Variants in FOXN4 observed in about 807,000 individuals in gnomAD.
FOXN4 encodes the protein forkhead box protein N4.
In FOXN4, 12 loss-of-function variants were observed where a neutral mutation model predicts 45.0. The observed-to-expected ratio is 0.27, with a 90% confidence interval of 0.17 to 0.43. FOXN4 has a LOEUF of 0.43. FOXN4 is among the 20% of genes least tolerant of loss of function. The pLI is 1.00. For synonymous variants in FOXN4, 297 were observed against 295.0 expected (o/e 1.01, Z -0.07); for missense variants, 560 against 694.9 (o/e 0.81, Z 2.18).
chr12:109,304,295 G>GAAAGAAAGAAAGAAAGAAAGAAA lies in FOXN4; in HGVS notation c.86+3940_86+3941insTTTCTTTCTTTCTTTCTTTCTTT, dbSNP rs1555244325. Among the ~76,000 whole-genome samples, 26 of 40,048 alleles carry GAAAGAAAGAAAGAAAGAAAGAAA rather than the reference G, an allele frequency of 6.5e-4. 1 individual carries two copies. The highest frequency in any genetic ancestry group is 1.9e-3 in the African/African-American group (16 of 8,470). The allele number at this position is 40,048 out of a possible 152,430, so 26.3% of individuals were successfully genotyped here. A position where few individuals can be genotyped will look rare whatever the true frequency, so the allele number is the denominator to read the frequency against. On this transcript the variant is annotated intron_variant, in intron 2 of 9. Transcript: ENST00000299162. The stretch of plus-strand genomic sequence containing the variant: ...AGAAAGAAAGAAAGAAAGAAAGAAA[G>GAAAGAAAGAAAGAAAGAAAGAAA]GAGAAAGAAAGAAGGAAAGAAGGAA...
chr12:109,292,579 T>C (rs914845584), intron 2 of FOXN4, among the ~76,000 whole-genome samples: 58 of 152,310 alleles, frequency 3.8e-4, no homozygotes, highest in African/African-American at 1.4e-3. Context: ...TGTAAAGCAC[T>C]TGGAACAGTG....
intron 2 of FOXN4, among the ~76,000 whole-genome samples, chr12:109,293,057 G>A (rs1214457549): frequency 6.6e-6 from 1 of 151,992 alleles, no homozygotes; most frequent in Non-Finnish European, 1.5e-5. Context: ...CTTTGCATTT[G>A]CCGTTCCCCT....
At chr12:109,306,826 G>C (rs1044469792) in intron 2 of FOXN4, among the ~76,000 whole-genome samples, 2 of 152,234 alleles carry the variant, frequency 1.3e-5, no homozygotes, top group African/African-American at 2.4e-5. Flanking sequence ...ATGGACTTGA[G>C]AGCCTAAGCT....
At chr12:109,285,669 GC>G (rs763585600) in intron 7 of FOXN4, among the ~76,000 whole-genome samples, 158 bp from the exon 8 acceptor site, 1 of 152,130 alleles carries the variant, frequency 6.6e-6, no homozygotes, top group Non-Finnish European at 1.5e-5. Flanking sequence ...AAGAGAGAGT[GC>G]TGGGGACTGA....
intron 8 of FOXN4, among the ~76,000 whole-genome samples, chr12:109,282,043 G>T (rs1189149525): frequency 6.6e-6 from 1 of 152,200 alleles, no homozygotes; most frequent in Non-Finnish European, 1.5e-5. Context: ...CCCATGCTGG[G>T]TGTCAATATT....
rs145330557 is a variant in FOXN4, at chr12:109,305,933, G to T, written c.86+2303C>A. Among the ~76,000 whole-genome samples, 320 of 152,130 alleles carry T rather than the reference G, an allele frequency of 2.1e-3. 1 individual carries two copies. The highest frequency in any genetic ancestry group is 7.0e-3 in the African/African-American group (291 of 41,498). On this transcript the variant is annotated intron_variant, in intron 2 of 9. Coordinates refer to ENST00000299162, the MANE Select transcript of FOXN4 (RefSeq NM_213596.3). ...CAGTGGACTGGCTAGGCATTGCCAGGCCCCCAAGAAGTTCTCTGCTTGCCC... is the reference window on the plus strand; with the variant it reads ...CAGTGGACTGGCTAGGCATTGCCAGTCCCCCAAGAAGTTCTCTGCTTGCCC...
At chr12:109,303,165 A>G (rs2047883070) in intron 2 of FOXN4, among the ~76,000 whole-genome samples, 1 of 152,100 alleles carries the variant, frequency 6.6e-6, no homozygotes, top group Non-Finnish European at 1.5e-5. Flanking sequence ...AAACTGCAAG[A>G]CTGGGAAAGA....
At chr12:109,299,869 G>A (rs866799790) in intron 2 of FOXN4, among the ~76,000 whole-genome samples, 2 of 152,182 alleles carry the variant, frequency 1.3e-5, no homozygotes, top group African/African-American at 2.4e-5. Flanking sequence ...CATCCCAGCG[G>A]GGCAGCCCAG....
chr12:109,298,900 A>C (rs530344170), intron 2 of FOXN4, among the ~76,000 whole-genome samples: 1 of 152,286 alleles, frequency 6.6e-6, no homozygotes, highest in African/African-American at 2.4e-5. Context: ...CCTGGGCCTC[A>C]GTTTCACTGT....
At chr12:109,281,367 T>TC (rs1385422195) in intron 9 of FOXN4, 40 bp downstream of exon 9, 1 of 1,604,840 alleles carries the variant, frequency 6.2e-7, no homozygotes, top group Admixed American at 1.7e-5. Context: ...GCCTCTCCCC[T>TC]CCCCATTCCA....
intron 7 of FOXN4, 76 bp downstream of exon 7, chr12:109,286,572 G>T: frequency 6.8e-7 from 1 of 1,472,642 alleles, no homozygotes; most frequent in Non-Finnish European, 9.2e-7. Context: ...GTTGGCCCAG[G>T]GCCAGCCCTG....
chr12:109,288,041 TGCAGTGCCACTTAC>T lies in FOXN4; in HGVS notation c.357+1_357+14del. 1 of 1,550,144 alleles carries T rather than the reference TGCAGTGCCACTTAC, an allele frequency of 6.5e-7. No individual in the cohort carries two copies. Among genetic ancestry groups the T allele is most frequent in the Non-Finnish European group, 8.7e-7 (1 of 1,146,674 alleles). ...GGCACTACCCGCCCTCCGCAGTCCA[TGCAGTGCCACTTAC>T]GCTGTCTCTGTGGCCAGTTATGGGG... On this transcript the variant is annotated splice_donor_variant and splice_donor_5th_base_variant and intron_variant, in intron 4 of 9. Coordinates refer to ENST00000299162, the MANE Select transcript of FOXN4 (RefSeq NM_213596.3). LOFTEE classifies it high-confidence loss of function. The surrounding 1 kb of genome is among the most constrained non-coding windows in gnomAD (Gnocchi z 4.3).
At chr12:109,293,011 G>T (rs959859164) in intron 2 of FOXN4, among the ~76,000 whole-genome samples, 5 of 152,030 alleles carry the variant, frequency 3.3e-5, no homozygotes, top group Non-Finnish European at 7.4e-5. Flanking sequence ...TCCTTCTGCA[G>T]CCCCCCGCAG....
In FOXN4 at chr12:109,279,547, T is replaced by A; in HGVS notation, c.*124A>T. The A allele has an allele frequency of 7.0e-7, 1 of 1,434,058 alleles. No homozygotes were observed. The highest frequency in any genetic ancestry group is 9.3e-7 in the Non-Finnish European group (1 of 1,074,010). The allele number at this position is 1,434,058 out of a possible 1,614,324, so 88.8% of individuals were successfully genotyped here. A position where few individuals can be genotyped will look rare whatever the true frequency, so the allele number is the denominator to read the frequency against. On this transcript the variant is annotated 3_prime_UTR_variant, in exon 10 of 10. Transcript: ENST00000299162. The stretch of plus-strand genomic sequence containing the variant: ...ACCGCTTCCCTGTCCAGCCGGCAAC[T>A]TCGCCACAGGTCCAGGAGAGGCTTC...
intron 2 of FOXN4, among the ~76,000 whole-genome samples, chr12:109,300,778 G>A (rs1043153848): frequency 2.0e-5 from 3 of 152,098 alleles, no homozygotes; most frequent in Admixed American, 6.5e-5. Flanking sequence ...GCATGGTGAT[G>A]CAGGCCTGTG....
At position 109,279,483 on chromosome 12, in the gene FOXN4, C is replaced by T; in HGVS notation, c.*188G>A. 1.2e-6 allele frequency: 1 copy of T among 836,458 alleles called. No individual in the cohort carries two copies. The highest frequency in any genetic ancestry group is 2.7e-5 in the East Asian group (1 of 37,188). 51.8% of individuals were successfully genotyped at this position (836,458 alleles called of 1,614,324 possible). A position where few individuals can be genotyped will look rare whatever the true frequency, so the allele number is the denominator to read the frequency against. On this transcript the variant is annotated 3_prime_UTR_variant, in exon 10 of 10. Coordinates refer to ENST00000299162, the MANE Select transcript of FOXN4 (RefSeq NM_213596.3). ...CCCCCAGAAACTGCTCCGGAAGCTC[C>T]AGGGGGAGGCACGAGAAGGAGAGGG...
intron 6 of FOXN4, 29 bp from the exon 7 acceptor site, chr12:109,286,773 G>GCAGGGCAGGA (rs750469840): frequency 1.3e-6 from 2 of 1,582,166 alleles, no homozygotes; most frequent in African/African-American, 1.5e-5. Context: ...GCAGGGCAGG[G>GCAGGGCAGGA]CAGGGCAGGA....
intron 2 of FOXN4, among the ~76,000 whole-genome samples, chr12:109,307,946 C>T (rs540144638): frequency 7.2e-5 from 11 of 152,240 alleles, no homozygotes; most frequent in Middle Eastern, 3.4e-3. Flanking sequence ...GCAGTAGCTG[C>T]TATTGTCATC....
Position 109,288,194 on chromosome 12 carries a change from GCA to G in FOXN4, c.233-16_233-15del. On this transcript the variant is annotated splice_polypyrimidine_tract_variant and intron_variant, in intron 3 of 9. Transcript: ENST00000299162. This position sits in a 1 kb window ranked among gnomAD's most constrained non-coding sequence, Gnocchi z 4.3. ...CAGCCAAGGCACCTGCCGGAGAGAA[GCA>G]CAGAGACGCTGCTGGGCTGGAGGAA... The G allele has an allele frequency of 1.3e-6, 2 of 1,546,558 alleles. No homozygotes were observed. The highest frequency in any genetic ancestry group is 1.7e-6 in the Non-Finnish European group (2 of 1,146,114).
Sources: gnomAD v4.1 joint callset for allele counts (sites outside exome capture counted in the v4.1 genomes callset) on GRCh38, gnomAD v4.1.1 for gene constraint, Gnocchi (gnomAD v3.1) non-coding constraint, MANE v1.5 for transcripts, NCBI Gene and HGNC (gene_info 2026-07-23, HGNC 2026-07-21) for gene names.